The following ITGAV variants were observed in gnomAD, a reference collection of about 807,000 sequenced individuals.
ITGAV encodes the protein integrin alpha-V.
Under a neutral mutation model 143.8 loss-of-function variants are expected in ITGAV, and 76 were observed. That is an observed-to-expected ratio of 0.53 (90% CI 0.44 to 0.64). ITGAV has a LOEUF of 0.64. Among genes scored for constraint, ITGAV ranks in the 30% least tolerant of loss-of-function variants. The pLI is 0.00. For missense variants in ITGAV, 1,193 were observed against 1,274.7 expected (o/e 0.94, Z 0.98); for synonymous variants, 453 against 446.7 (o/e 1.01, Z -0.18).
Position 186,590,072 on chromosome 2 carries a change from C to T in ITGAV, c.-267C>T, listed in dbSNP as rs949718241. The T allele has an allele frequency of 8.5e-5, 32 of 378,160 alleles. No homozygotes were observed. The highest frequency in any genetic ancestry group is 5.6e-5 in the Non-Finnish European group (12 of 215,108). 23.4% of individuals were successfully genotyped at this position (378,160 alleles called of 1,614,324 possible). A position where few individuals can be genotyped will look rare whatever the true frequency, so the allele number is the denominator to read the frequency against. On this transcript the variant is annotated 5_prime_UTR_variant, in exon 1 of 30. It adds an upstream start codon to the 5' untranslated region. Coordinates refer to ENST00000261023, the MANE Select transcript of ITGAV (RefSeq NM_002210.5). ...CACCCCGGCAGTCCCCAGCCTCAGACGCTGCGTGGAGCGGCGGAGCCGGAG... is the reference window on the plus strand; with the variant it reads ...CACCCCGGCAGTCCCCAGCCTCAGATGCTGCGTGGAGCGGCGGAGCCGGAG...
At position 186,668,384 on chromosome 2, in the gene ITGAV, C is replaced by T. The variant is rs947955209; in HGVS notation, c.2434-378C>T. On this transcript the variant is annotated intron_variant, in intron 24 of 29. Coordinates refer to ENST00000261023, the MANE Select transcript of ITGAV (RefSeq NM_002210.5). ...GGGATTACACGTGTGCACCACCATG[C>T]CCGGCTAATTTTTGTATTTTTAGTA... is the stretch of plus-strand genomic sequence containing the variant. The T allele has an allele frequency of 1.2e-4, 26 of 220,126 alleles. No individual in the cohort carries two copies. In the South Asian group the frequency reaches 1.4e-3, roughly 12 times the overall value. The allele number at this position is 220,126 out of a possible 1,614,324, so 13.6% of individuals were successfully genotyped here.
At chr2:186,616,644 T>G (rs374149139) in intron 2 of ITGAV, among the ~76,000 whole-genome samples, 2 of 152,176 alleles carry the variant, frequency 1.3e-5, no homozygotes, top group African/African-American at 4.8e-5. Flanking sequence ...TTGTCTGACC[T>G]CCAAATCATT....
At chr2:186,638,133 T>A in intron 8 of ITGAV, 144 bp from the exon 9 acceptor site, 1 of 683,050 alleles carries the variant, frequency 1.5e-6, no homozygotes, top group Non-Finnish European at 2.5e-6. Flanking sequence ...GGGCTATTTA[T>A]TACGGAGTAC....
At chr2:186,638,664 G>C (rs1016032582) in intron 10 of ITGAV, among the ~76,000 whole-genome samples, 199 bp downstream of exon 10, 1 of 147,386 alleles carries the variant, frequency 6.8e-6, no homozygotes, top group Non-Finnish European at 1.5e-5. Flanking sequence ...GTGTGTGTGT[G>C]TGTGTGTAGT....
intron 2 of ITGAV, among the ~76,000 whole-genome samples, chr2:186,603,269 A>G (rs554499907): frequency 6.6e-6 from 1 of 152,170 alleles, no homozygotes; most frequent in Non-Finnish European, 1.5e-5. Context: ...ACCTGCAGAA[A>G]ATTAATCCTT....
intron 15 of ITGAV, among the ~76,000 whole-genome samples, chr2:186,654,104 G>T (rs751505228): frequency 1.3e-5 from 2 of 152,082 alleles, no homozygotes; most frequent in African/African-American, 4.8e-5. Flanking sequence ...AGACCAAGGC[G>T]GGCGAATCAC....
chr2:186,601,777 T>G (rs912027905), intron 1 of ITGAV, among the ~76,000 whole-genome samples: 1 of 152,100 alleles, frequency 6.6e-6, no homozygotes, highest in Non-Finnish European at 1.5e-5. Context: ...CTGCATAAAT[T>G]CCTAAATGAA....
chr2:186,658,781 C>T (rs1688658315), intron 17 of ITGAV, among the ~76,000 whole-genome samples: 1 of 152,052 alleles, frequency 6.6e-6, no homozygotes, highest in Admixed American at 6.6e-5. Context: ...TTTGAGTGCT[C>T]ATGTTGTTAA....
At chr2:186,640,619 AAGG>A (rs1045962961) in intron 10 of ITGAV, among the ~76,000 whole-genome samples, 8 of 152,124 alleles carry the variant, frequency 5.3e-5, no homozygotes, top group African/African-American at 1.7e-4. Context: ...TAGGCCTGAG[AAGG>A]AGAATTGATA....
chr2:186,602,663 G>C (rs1686944320), intron 2 of ITGAV, among the ~76,000 whole-genome samples: 1 of 152,172 alleles, frequency 6.6e-6, no homozygotes, highest in Non-Finnish European at 1.5e-5. Context: ...CAGATCACGA[G>C]GTCAGGAGTT....
At chr2:186,646,948 C>G in intron 13 of ITGAV, 71 bp downstream of exon 13, 1 of 997,374 alleles carries the variant, frequency 1.0e-6, no homozygotes, top group Non-Finnish European at 1.4e-6. Flanking sequence ...AGTTACTGTT[C>G]TTGATTTATG....
intron 2 of ITGAV, among the ~76,000 whole-genome samples, chr2:186,604,455 C>T (rs999558848): frequency 6.6e-5 from 10 of 152,074 alleles, no homozygotes; most frequent in Non-Finnish European, 1.5e-4. Context: ...ATGAACACTG[C>T]TGTAGTGAAA....
At chr2:186,676,029 A>G in intron 28 of ITGAV, 102 bp downstream of exon 28, 1 of 663,716 alleles carries the variant, frequency 1.5e-6, no homozygotes, top group Non-Finnish European at 2.6e-6. Context: ...CTTTTTTGAT[A>G]ATTTAAACTA....
At chr2:186,633,216 A>G (rs1036928741) in intron 5 of ITGAV, 113 bp from the exon 6 acceptor site, 5 of 471,392 alleles carry the variant, frequency 1.1e-5, no homozygotes, top group Non-Finnish European at 1.9e-5. Context: ...ACAATACTGT[A>G]TTGTTCAGTC....
chr2:186,629,684 T>G (rs1687766205), intron 4 of ITGAV, among the ~76,000 whole-genome samples: 1 of 152,114 alleles, frequency 6.6e-6, no homozygotes. Context: ...GCAGAAGTTC[T>G]TAGAAGTTTG....
chr2:186,667,800 C>G lies in ITGAV; in HGVS notation c.2433+24C>G, dbSNP rs1688941840. 3.4e-6 allele frequency: 5 copies of G among 1,487,428 alleles called. No homozygotes were observed. In the East Asian group the frequency reaches 1.1e-4, roughly 34 times the overall value. The allele number at this position is 1,487,428 out of a possible 1,614,324, so 92.1% of individuals were successfully genotyped here. A position where few individuals can be genotyped will look rare whatever the true frequency, so the allele number is the denominator to read the frequency against. ...AGGTTTGCAGTTGTTAGATTTTACT[C>G]AAACCTCGTGAGCAAGCCAACGAAG... On this transcript the variant is annotated intron_variant, in intron 24 of 29. Coordinates refer to ENST00000261023, the MANE Select transcript of ITGAV (RefSeq NM_002210.5).
intron 18 of ITGAV, among the ~76,000 whole-genome samples, chr2:186,662,019 T>C (rs533893293): frequency 6.6e-6 from 1 of 152,344 alleles, no homozygotes; most frequent in East Asian, 1.9e-4. Flanking sequence ...ACAGCATATT[T>C]TAATACTATG....
At chr2:186,655,138 GC>G (rs1184651491) in intron 16 of ITGAV, among the ~76,000 whole-genome samples, 18 of 152,300 alleles carry the variant, frequency 1.2e-4, no homozygotes, top group Admixed American at 1.2e-3. Flanking sequence ...TTTTGGTCAT[GC>G]AATTTAATTC....
intron 2 of ITGAV, among the ~76,000 whole-genome samples, chr2:186,608,236 T>A (rs760412726): frequency 1.3e-5 from 2 of 152,152 alleles, no homozygotes; most frequent in Non-Finnish European, 2.9e-5. Flanking sequence ...AGATTGGTGC[T>A]TCATATGGCC....
Sources: allele counts gnomAD v4.1 joint callset (sites outside exome capture counted in the v4.1 genomes callset), GRCh38; gene constraint gnomAD v4.1.1; transcripts MANE v1.5; gene names NCBI Gene and HGNC (gene_info 2026-07-23, HGNC 2026-07-21).